Variants in EPHA3 observed in about 807,000 individuals in gnomAD.
The protein encoded by EPHA3 is ephrin type-A receptor 3.
EPHA3 carries 42 observed loss-of-function variants against 107.1 expected under a neutral mutation model. The observed-to-expected ratio is 0.39, with a 90% CI of 0.31 to 0.51. EPHA3 has a LOEUF of 0.51. Ranked by LOEUF, EPHA3 falls within the 20% of genes least tolerant of loss-of-function variation. The probability of loss-of-function intolerance (pLI) is 0.78; values close to 1 mark genes in which losing one functional copy is unlikely to be tolerated. For missense variants in EPHA3, 1,183 were observed against 1,211.2 expected (o/e 0.98, Z 0.35); for synonymous variants, 461 against 424.8 (o/e 1.09, Z -1.05).
At chr3:89,353,254 C>T (rs1234725787) in intron 5 of EPHA3, among the ~76,000 whole-genome samples, 1 of 151,168 alleles carries the variant, frequency 6.6e-6, no homozygotes, top group Non-Finnish European at 1.5e-5. Flanking sequence ...AAATTAAACA[C>T]CAAAAGGATC....
intron 10 of EPHA3, among the ~76,000 whole-genome samples, chr3:89,417,191 G>T (rs577188590): frequency 6.6e-6 from 1 of 151,432 alleles, no homozygotes; most frequent in East Asian, 2.0e-4. Flanking sequence ...GATACAATAA[G>T]TGTCCCCCAT....
intron 5 of EPHA3, among the ~76,000 whole-genome samples, chr3:89,392,414 GACA>G (rs1223551704): frequency 6.6e-6 from 1 of 150,980 alleles, no homozygotes; most frequent in African/African-American, 2.4e-5. Flanking sequence ...CTCCAGCCTG[GACA>G]ACAAGAGTGA....
At chr3:89,476,327 G>A (rs1710506335) in intron 16 of EPHA3, among the ~76,000 whole-genome samples, 1 of 146,932 alleles carries the variant, frequency 6.8e-6, no homozygotes, top group Non-Finnish European at 1.5e-5. Context: ...GTGCAGCTAT[G>A]AAGAAGTGAT....
chr3:89,179,349 C>G lies in EPHA3; in HGVS notation c.154-30511C>G, dbSNP rs141494215. Among the ~76,000 whole-genome samples, 81 of 152,112 alleles carry G rather than the reference C, an allele frequency of 5.3e-4. No individual in the cohort carries two copies. The East Asian group carries it at 0.014, about 25-fold the overall frequency. On this transcript the variant is annotated intron_variant, in intron 2 of 16. Transcript: ENST00000336596. ...ATCAGAGAAGGGGTTTTAAACCAGT[C>G]TAATTTCTTTAAAAAGGAGGGGAAC...
rs1708834527 is a variant in EPHA3 at position 89,395,685 on chromosome 3, C to G, written c.1307-152C>G. The G allele has an allele frequency of 3.3e-6, 3 of 903,114 alleles. 1 individual carries two copies. Among genetic ancestry groups the G allele is most frequent in the Middle Eastern group, 3.4e-4 (1 of 2,970 alleles). 55.9% of individuals were successfully genotyped at this position (903,114 alleles called of 1,614,324 possible). ...TGGGGCCAGATTAATATTCAAGAGC[C>G]TTGGAAATGGAAATAGTGCTTTCTT... On this transcript the variant is annotated intron_variant, in intron 5 of 16. Transcript: ENST00000336596.
intron 2 of EPHA3, among the ~76,000 whole-genome samples, chr3:89,196,008 A>G (rs1705829336): frequency 6.6e-6 from 1 of 152,098 alleles, no homozygotes; most frequent in Non-Finnish European, 1.5e-5. Flanking sequence ...GGATTGGGCT[A>G]AACTCTTCAA....
intron 3 of EPHA3, among the ~76,000 whole-genome samples, chr3:89,261,444 A>T (rs1377900604): frequency 6.6e-6 from 1 of 152,046 alleles, no homozygotes; most frequent in Non-Finnish European, 1.5e-5. Context: ...GTTCTTCTCC[A>T]TGCGGACCTT....
intron 3 of EPHA3, among the ~76,000 whole-genome samples, chr3:89,239,072 T>C (rs536334864): frequency 3.7e-4 from 57 of 152,276 alleles, no homozygotes; most frequent in African/African-American, 1.4e-3. Flanking sequence ...AGTCACACAG[T>C]ATGCGAGAGT....
intron 5 of EPHA3, among the ~76,000 whole-genome samples, chr3:89,354,266 A>C (rs1290876068): frequency 6.6e-6 from 1 of 151,320 alleles, no homozygotes; most frequent in Non-Finnish European, 1.5e-5. Context: ...GTAATTGAGA[A>C]ATTTAATAAA....
chr3:89,196,588 T>C (rs147642469), intron 2 of EPHA3, among the ~76,000 whole-genome samples: 9 of 152,028 alleles, frequency 5.9e-5, no homozygotes, highest in African/African-American at 2.2e-4. Flanking sequence ...CAGTTGGAAT[T>C]TTGGGGGTTT....
chr3:89,430,989 C>G (rs548413008), intron 12 of EPHA3, among the ~76,000 whole-genome samples, 161 bp from the exon 13 acceptor site: 13 of 152,202 alleles, frequency 8.5e-5, no homozygotes, highest in African/African-American at 3.1e-4. Flanking sequence ...TTTGTTTCAG[C>G]CTTGTATCCA....
intron 3 of EPHA3, among the ~76,000 whole-genome samples, chr3:89,222,788 T>A (rs1022166610): frequency 2.6e-5 from 4 of 152,132 alleles, no homozygotes; most frequent in African/African-American, 9.7e-5. Context: ...TTAATAAATA[T>A]AATATGTATA....
chr3:89,143,923 A>AT (rs1398704030), intron 2 of EPHA3, among the ~76,000 whole-genome samples: 1 of 151,574 alleles, frequency 6.6e-6, no homozygotes, highest in Non-Finnish European at 1.5e-5. Context: ...TAATAGGTTT[A>AT]TTTTTAGAGC....
Position 89,454,146 on chromosome 3 carries a change from G to A in EPHA3, c.2690+3776G>A, listed in dbSNP as rs2107559340. On this transcript the variant is annotated intron_variant, in intron 15 of 16. Coordinates refer to ENST00000336596, the MANE Select transcript of EPHA3 (RefSeq NM_005233.6). Reference sequence around the variant, plus strand: ...TTTGGATGTTTTATAAAAATGCCAGGTGATTTTTTTCTCCTCTGGAAAATT... The same window carrying A: ...TTTGGATGTTTTATAAAAATGCCAGATGATTTTTTTCTCCTCTGGAAAATT... 3.3e-5 allele frequency among the ~76,000 whole-genome samples: 5 copies of A among 152,192 alleles called. No individual in the cohort carries two copies. The South Asian group carries it at 1.0e-3, about 32-fold the overall frequency.
chr3:89,219,715 T>G lies in EPHA3; in HGVS notation c.814+9195T>G, dbSNP rs1451302673. On this transcript the variant is annotated intron_variant, in intron 3 of 16. Transcript: ENST00000336596. ...TTTTTTTTTTTTTGTTTTTTGTTTT[T>G]TTTTTTTTTTTGAGACGGAGTCTCG... Among the ~76,000 whole-genome samples, 3 of 40,712 alleles carry G rather than the reference T, an allele frequency of 7.4e-5. 1 individual carries two copies. The highest frequency in any genetic ancestry group is 2.3e-3 in the South Asian group (2 of 886). The allele number at this position is 40,712 out of a possible 152,430, so 26.7% of individuals were successfully genotyped here. A position where few individuals can be genotyped will look rare whatever the true frequency, so the allele number is the denominator to read the frequency against.
chr3:89,241,902 C>T (rs566505316), intron 3 of EPHA3, among the ~76,000 whole-genome samples: 3 of 152,152 alleles, frequency 2.0e-5, no homozygotes, highest in African/African-American at 7.2e-5. Flanking sequence ...CTCTCAGCCC[C>T]GAGATTAAGG....
rs546359472 is a variant in EPHA3, at chr3:89,321,162, CT to C, written c.815-19746del. Among the ~76,000 whole-genome samples the C allele has an allele frequency of 1.4e-3, 217 of 151,798 alleles. 2 individuals are homozygous for C. The highest frequency in any genetic ancestry group is 0.01 in the Middle Eastern group (3 of 294). On this transcript the variant is annotated intron_variant, in intron 3 of 16. Transcript: ENST00000336596. The stretch of plus-strand genomic sequence containing the variant: ...AACTGACCCAGGAACAATTTGTTAG[CT>C]TTTTTTTAAGGTTCTATGCTGCGAG...
intron 3 of EPHA3, among the ~76,000 whole-genome samples, chr3:89,311,985 A>G (rs1165701067): frequency 1.3e-5 from 2 of 152,042 alleles, no homozygotes; most frequent in African/African-American, 2.4e-5. Context: ...AAAGAGGGGC[A>G]CAGAAAACAA....
intron 3 of EPHA3, among the ~76,000 whole-genome samples, chr3:89,297,511 A>AG (rs1706384128): frequency 6.6e-6 from 1 of 152,188 alleles, no homozygotes; most frequent in Non-Finnish European, 1.5e-5. Flanking sequence ...TCCCAAAACA[A>AG]TTACAAAAAG....
Sources: allele counts gnomAD v4.1 joint callset (sites outside exome capture counted in the v4.1 genomes callset), GRCh38; gene constraint gnomAD v4.1.1; transcripts MANE v1.5; gene names NCBI Gene and HGNC (gene_info 2026-07-23, HGNC 2026-07-21).